Variants in GSE1 observed in about 807,000 individuals in gnomAD.
GSE1 encodes Gse1 coiled-coil protein.
A neutral mutation model predicts 112.6 loss-of-function variants in GSE1; 32 were observed. The observed-to-expected ratio is 0.28, with a 90% CI of 0.21 to 0.38. The LOEUF (loss-of-function observed/expected upper bound fraction) is 0.38. GSE1 is among the 10% of genes least tolerant of loss of function. The probability of loss-of-function intolerance (pLI) is 1.00; values close to 1 mark genes in which losing one functional copy is unlikely to be tolerated. For synonymous variants in GSE1, 1,115 were observed against 735.6 expected (o/e 1.52, Z -8.35); for missense variants, 2,348 against 1,699.2 (o/e 1.38, Z -6.71).
chr16:85,350,779 C>G (rs1180237812), intron 1 of GSE1, among the ~76,000 whole-genome samples: 1 of 152,120 alleles, frequency 6.6e-6, no homozygotes, highest in African/African-American at 2.4e-5. Flanking sequence ...TGTGTTGTCA[C>G]TATCATTTTT....
At position 85,210,728 on chromosome 16, in the gene GSE1, G is replaced by A. The variant is rs555758590; in HGVS notation, c.2283+38921G>A. Among the ~76,000 whole-genome samples the A allele has an allele frequency of 3.3e-5, 5 of 152,386 alleles. No homozygotes were observed. In the East Asian group the frequency reaches 9.6e-4, roughly 29 times the overall value. On this transcript the variant is annotated intron_variant, in intron 1 of 2. Transcript: ENST00000637419. ...GGAATTTGGGAAGCTGCATGAGGCT[G>A]TGATTAGGTGACGGGGGTGCCACCC...
At chr16:85,253,160 G>T (rs568897513) in intron 1 of GSE1, among the ~76,000 whole-genome samples, 1 of 150,652 alleles carries the variant, frequency 6.6e-6, no homozygotes, top group African/African-American at 2.4e-5. Flanking sequence ...ACGCGGGAAT[G>T]AGCTGCCCAC....
At chr16:85,421,223 A>T (rs118111347) in intron 2 of GSE1, among the ~76,000 whole-genome samples, 22,120 of 151,636 alleles carry the variant, frequency 0.15, 2,044 homozygotes, top group Non-Finnish European at 0.2. Context: ...CTGGACGGGG[A>T]CCCCCGCCAG....
chr16:85,638,634 T>TCCACACTGGCTC (rs2050195266), intron 2 of GSE1, among the ~76,000 whole-genome samples: 2 of 151,716 alleles, frequency 1.3e-5, no homozygotes, highest in African/African-American at 4.8e-5. Flanking sequence ...GCAGCAGGCC[T>TCCACACTGGCTC]CCACCCTGGC....
intron 2 of GSE1, among the ~76,000 whole-genome samples, chr16:85,536,364 G>C (rs1160762427): frequency 6.6e-6 from 1 of 152,208 alleles, no homozygotes; most frequent in East Asian, 1.9e-4. Context: ...AGAAGAAATA[G>C]AGCCCCATCC....
At chr16:85,565,255 G>A (rs1291201309) in intron 1 of GSE1, among the ~76,000 whole-genome samples, 1 of 152,062 alleles carries the variant, frequency 6.6e-6, no homozygotes, top group African/African-American at 2.4e-5. Flanking sequence ...AGCCGGGCAT[G>A]GTGGTGCGTG....
chr16:85,502,192 G>T (rs2051391433), intron 2 of GSE1, among the ~76,000 whole-genome samples: 1 of 152,212 alleles, frequency 6.6e-6, no homozygotes, highest in African/African-American at 2.4e-5. Context: ...ACAGCCAGGG[G>T]GACCATATGG....
Position 85,634,002 on chromosome 16 carries a change from G to A in GSE1, c.96G>A (p.Ser32=), listed in dbSNP as rs763866369. 2.6e-5 allele frequency: 42 copies of A among 1,612,574 alleles called. No homozygotes were observed. Among genetic ancestry groups the A allele is most frequent in the South Asian group, 2.5e-4 (23 of 90,980 alleles). ...TTATVNPLTP[S]PLNGALVPSG... The stretch of plus-strand genomic sequence containing the variant: ...CCACCGTCAACCCCCTCACCCCCTC[G>A]CCGCTCAATGGCGCCCTGGTGCCCA... Residue 32 remains serine (S), a synonymous_variant, in exon 2 of 16, where the codon TCG becomes TCA. Transcript: ENST00000253458.
intron 1 of GSE1, among the ~76,000 whole-genome samples, chr16:85,229,153 G>A (rs1236693137): frequency 6.6e-6 from 1 of 152,238 alleles, no homozygotes; most frequent in Non-Finnish European, 1.5e-5. Context: ...CCCTACCTAA[G>A]AGGACGCCCC....
intron 1 of GSE1, among the ~76,000 whole-genome samples, chr16:85,590,893 C>T (rs1449544237): frequency 6.6e-6 from 1 of 152,206 alleles, no homozygotes; most frequent in Non-Finnish European, 1.5e-5. Flanking sequence ...AGCCGAGAAT[C>T]CCTGGGATGA....
intron 1 of GSE1, among the ~76,000 whole-genome samples, chr16:85,176,760 C>G (rs2074475234): frequency 6.6e-6 from 1 of 152,258 alleles, no homozygotes; most frequent in African/African-American, 2.4e-5. Flanking sequence ...CTGCCGCAAC[C>G]ACCTTTCTTC....
chr16:85,395,072 C>T (rs560556466), intron 2 of GSE1, among the ~76,000 whole-genome samples: 3 of 152,220 alleles, frequency 2.0e-5, no homozygotes, highest in African/African-American at 7.2e-5. Flanking sequence ...CGGGCAGAGA[C>T]TGGGGCACCT....
Position 85,672,597 on chromosome 16 carries a change from C to G in GSE1, c.*58C>G, listed in dbSNP as rs564992928. ...ATAGAAATATTATCTATTTTATTAC[C>G]TTGAATATTTAATATTTTTCACTGG... On this transcript the variant is annotated 3_prime_UTR_variant, in exon 16 of 16. Coordinates refer to ENST00000253458, the MANE Select transcript of GSE1 (RefSeq NM_014615.5). 11 of 1,206,046 alleles carry G rather than the reference C, an allele frequency of 9.1e-6. No homozygotes were observed. In the South Asian group the frequency reaches 2.0e-4, roughly 22 times the overall value. 74.7% of individuals were successfully genotyped at this position (1,206,046 alleles called of 1,614,324 possible). A position where few individuals can be genotyped will look rare whatever the true frequency, so the allele number is the denominator to read the frequency against.
intron 2 of GSE1, among the ~76,000 whole-genome samples, chr16:85,492,560 C>T (rs1306776115): frequency 6.6e-6 from 1 of 152,204 alleles, no homozygotes; most frequent in African/African-American, 2.4e-5. Flanking sequence ...TTTCATATCA[C>T]CACTTTACAG....
chr16:85,660,197 G>A (rs1315700611), intron 8 of GSE1, among the ~76,000 whole-genome samples: 3 of 152,218 alleles, frequency 2.0e-5, no homozygotes, highest in East Asian at 1.9e-4. Context: ...GCGGATGAGC[G>A]CTTGCCCTTA....
chr16:85,519,059 C>A (rs2052049520), intron 2 of GSE1, among the ~76,000 whole-genome samples: 1 of 152,196 alleles, frequency 6.6e-6, no homozygotes, highest in African/African-American at 2.4e-5. Context: ...GCATTTTGTG[C>A]CTCAGTTTCT....
intron 6 of GSE1, 100 bp from the exon 7 acceptor site, chr16:85,656,243 C>A (rs1005249080): frequency 1.4e-6 from 2 of 1,430,554 alleles, no homozygotes; most frequent in Non-Finnish European, 1.9e-6. Flanking sequence ...TTCAGATTAG[C>A]GCCCTGGCTC....
chr16:85,246,694 C>A (rs1375560164), intron 1 of GSE1, among the ~76,000 whole-genome samples: 1 of 152,050 alleles, frequency 6.6e-6, no homozygotes, highest in African/African-American at 2.4e-5. Flanking sequence ...CCCTCGGAGG[C>A]CCCAGAACCC....
chr16:85,499,092 C>T (rs58449570), intron 2 of GSE1, among the ~76,000 whole-genome samples: 6,634 of 152,094 alleles, frequency 0.044, 487 homozygotes, highest in African/African-American at 0.15. Context: ...AGTGAGACTG[C>T]AGGTTCTGAG....
Sources: gnomAD v4.1 joint callset for allele counts (sites outside exome capture counted in the v4.1 genomes callset) on GRCh38, gnomAD v4.1.1 for gene constraint, MANE v1.5 for transcripts, NCBI Gene and HGNC (gene_info 2026-07-23, HGNC 2026-07-21) for gene names.